The following MRPS27 variants were observed in gnomAD, a reference collection of about 807,000 sequenced individuals.
MRPS27 encodes the protein small ribosomal subunit protein mS27.
Under a neutral mutation model 48.9 loss-of-function variants are expected in MRPS27, and 43 were observed. That is an observed-to-expected ratio of 0.88 (90% confidence interval 0.69 to 1.13). The LOEUF is 1.13. MRPS27 is among the 50% of genes most tolerant of loss of function. The probability of loss-of-function intolerance (pLI) is 0.00; values close to 1 mark genes in which losing one functional copy is unlikely to be tolerated. For synonymous variants in MRPS27, 188 were observed against 171.9 expected, an observed-to-expected ratio of 1.09 and a Z score of -0.73; for missense variants, 467 against 476.3, an observed-to-expected ratio of 0.98 and a Z score of 0.18.
At position 72,219,662 on chromosome 5, in the gene MRPS27, T is replaced by G. The variant is rs553721558; in HGVS notation, c.*1247A>C. 1.3e-5 allele frequency: 2 copies of G among 152,228 alleles called. No individual in the cohort carries two copies. Among genetic ancestry groups the G allele is most frequent in the South Asian group, 4.2e-4 (2 of 4,814 alleles). 9.4% of individuals were successfully genotyped at this position (152,228 alleles called of 1,614,324 possible). On this transcript the variant is annotated 3_prime_UTR_variant, in exon 11 of 11. Transcript: ENST00000261413. ...TGAACCCTTTCACAGAAGAGACACT[T>G]CAGAAAGGAATTTTACATCTCCTGA...
chr5:72,287,703 A>T (rs1218422662), intron 4 of MRPS27, among the ~76,000 whole-genome samples: 3 of 152,262 alleles, frequency 2.0e-5, no homozygotes, highest in African/African-American at 7.2e-5. Context: ...AGGAAATATC[A>T]TTACTCATTG....
At chr5:72,318,049 G>T (rs1047929848) in intron 1 of MRPS27, among the ~76,000 whole-genome samples, 1 of 152,140 alleles carries the variant, frequency 6.6e-6, no homozygotes, top group Admixed American at 6.6e-5. Context: ...AACAAAAAAT[G>T]CTAAAAATCT....
intron 7 of MRPS27, among the ~76,000 whole-genome samples, chr5:72,232,114 A>T (rs2111949898): frequency 6.6e-6 from 1 of 152,318 alleles, no homozygotes; most frequent in South Asian, 2.1e-4. Context: ...TATCCCAGGT[A>T]ATGGTCAACG....
intron 9 of MRPS27, among the ~76,000 whole-genome samples, chr5:72,225,319 A>T (rs567484651): frequency 6.6e-6 from 1 of 152,196 alleles, no homozygotes; most frequent in African/African-American, 2.4e-5. Flanking sequence ...GAAAAAACAA[A>T]TATGTGGCTC....
rs928060092 is a variant in MRPS27, at chr5:72,219,595, C to A, written c.*1314G>T. On this transcript the variant is annotated 3_prime_UTR_variant, in exon 11 of 11. Coordinates refer to ENST00000261413, the MANE Select transcript of MRPS27 (RefSeq NM_015084.3). ...CACAATCTTGAATAAAATTACACCA[C>A]TGTACTTAAGGGCAACACTACATAG... 2.0e-5 allele frequency: 3 copies of A among 152,190 alleles called. No individual in the cohort carries two copies. Among genetic ancestry groups the A allele is most frequent in the African/African-American group, 7.2e-5 (3 of 41,448 alleles). The allele number at this position is 152,190 out of a possible 1,614,324, so 9.4% of individuals were successfully genotyped here. A position where few individuals can be genotyped will look rare whatever the true frequency, so the allele number is the denominator to read the frequency against.
At chr5:72,288,939 C>T (rs1485650891) in intron 4 of MRPS27, 2 of 152,246 alleles carry the variant, frequency 1.3e-5, no homozygotes, top group Admixed American at 6.5e-5. Flanking sequence ...CCTTTTCCTA[C>T]AGGCAGAAAT....
intron 4 of MRPS27, among the ~76,000 whole-genome samples, chr5:72,263,064 C>T (rs1023709482): frequency 1.3e-5 from 2 of 152,114 alleles, no homozygotes; most frequent in South Asian, 2.1e-4. Flanking sequence ...AAAGTTTTCT[C>T]GTTTGGTCAC....
chr5:72,234,104 G>T lies in MRPS27; in HGVS notation c.475+15C>A. 1 of 1,492,670 alleles carries T rather than the reference G, an allele frequency of 6.7e-7. No homozygotes were observed. 92.5% of individuals were successfully genotyped at this position (1,492,670 alleles called of 1,614,324 possible). ...GGAAGCCCTATAAACACTGAATCTG[G>T]GGTTAGTTTCTTACCTTTGTAATTT... On this transcript the variant is annotated intron_variant, in intron 6 of 10. Transcript: ENST00000261413.
In MRPS27 at chr5:72,241,823, T is replaced by A. The variant is rs2111967385; in HGVS notation, c.282-3695A>T. On this transcript the variant is annotated intron_variant, in intron 4 of 10. Transcript: ENST00000261413. The stretch of plus-strand genomic sequence containing the variant: ...AGATTACAGCCAGCCACTGTAGGAG[T>A]CCCCTCTGTGCGCCTATGCCATCAG... 3 of 767,628 alleles carry A rather than the reference T, an allele frequency of 3.9e-6. No homozygotes were observed. The South Asian group carries it at 5.1e-5, about 13-fold the overall frequency. 47.6% of individuals were successfully genotyped at this position (767,628 alleles called of 1,614,324 possible).
At chr5:72,237,117 G>T (rs1748216165) in intron 5 of MRPS27, among the ~76,000 whole-genome samples, 1 of 151,864 alleles carries the variant, frequency 6.6e-6, no homozygotes, top group African/African-American at 2.4e-5. Flanking sequence ...CAAAATGCTA[G>T]GATTACAGGC....
chr5:72,261,577 A>C (rs974936913), intron 4 of MRPS27, among the ~76,000 whole-genome samples: 3 of 152,206 alleles, frequency 2.0e-5, no homozygotes, highest in Admixed American at 2.0e-4. Context: ...GTACTAGATT[A>C]TGAGAGTAGA....
intron 1 of MRPS27, among the ~76,000 whole-genome samples, chr5:72,315,581 A>C (rs918919834): frequency 6.6e-6 from 1 of 151,888 alleles, no homozygotes; most frequent in Non-Finnish European, 1.5e-5. Context: ...AAGAAAAAGT[A>C]AAATATATAT....
At chr5:72,274,084 T>A (rs1190054668) in intron 4 of MRPS27, among the ~76,000 whole-genome samples, 1 of 152,206 alleles carries the variant, frequency 6.6e-6, no homozygotes, top group Non-Finnish European at 1.5e-5. Flanking sequence ...CCAGGCACAG[T>A]GGCTCACGTC....
intron 8 of MRPS27, 92 bp downstream of exon 8, chr5:72,228,174 A>C (rs1162588236): frequency 1.7e-6 from 2 of 1,164,932 alleles, no homozygotes; most frequent in Non-Finnish European, 2.5e-6. Context: ...TTCACTGGTA[A>C]ATTTAAATCA....
intron 4 of MRPS27, among the ~76,000 whole-genome samples, chr5:72,268,313 G>T (rs1359083009): frequency 2.0e-5 from 3 of 152,110 alleles, no homozygotes; most frequent in Admixed American, 6.5e-5. Context: ...AGGCTTTATA[G>T]ACTTCTACAA....
chr5:72,302,850 C>G (rs570959224), intron 2 of MRPS27, among the ~76,000 whole-genome samples: 1 of 152,222 alleles, frequency 6.6e-6, no homozygotes, highest in African/African-American at 2.4e-5. Flanking sequence ...AAGGGAACTA[C>G]ACCTGAAGTG....
chr5:72,277,595 T>G (rs1749411243), intron 4 of MRPS27, among the ~76,000 whole-genome samples: 1 of 151,184 alleles, frequency 6.6e-6, no homozygotes, highest in South Asian at 2.1e-4. Flanking sequence ...AGAGTGAGAC[T>G]CCGTCTCAAA....
In MRPS27 at chr5:72,236,395, G is replaced by T. The variant is rs115151649; in HGVS notation, c.396+1619C>A. 3.7e-3 allele frequency among the ~76,000 whole-genome samples: 567 copies of T among 152,208 alleles called. 1 individual carries two copies. Among genetic ancestry groups the T allele is most frequent in the African/African-American group, 0.013 (551 of 41,546 alleles). ...TTTGCCTAAAGTTACCAGCAACCAG[G>T]GGAGCCTGTGGGGCTACAGCCTGGA... On this transcript the variant is annotated intron_variant, in intron 5 of 10. Transcript: ENST00000261413.
At chr5:72,245,508 T>C (rs1367086700) in intron 4 of MRPS27, among the ~76,000 whole-genome samples, 1 of 151,864 alleles carries the variant, frequency 6.6e-6, no homozygotes, top group East Asian at 1.9e-4. Flanking sequence ...AATACAATGA[T>C]TAAGATAGGA....
Sources: gnomAD v4.1 joint callset for allele counts (sites outside exome capture counted in the v4.1 genomes callset) on GRCh38, gnomAD v4.1.1 for gene constraint, MANE v1.5 for transcripts, NCBI Gene and HGNC (gene_info 2026-07-23, HGNC 2026-07-21) for gene names.